Variants in GRID1 observed in about 807,000 individuals in gnomAD.
The protein encoded by GRID1 is glutamate ionotropic receptor delta type subunit 1.
In GRID1, 28 loss-of-function variants were observed where a neutral mutation model predicts 98.0. The observed-to-expected ratio is 0.29, with a 90% CI of 0.21 to 0.39. The LOEUF is 0.39. Ranked by LOEUF, GRID1 falls within the 10% of genes least tolerant of loss-of-function variation. The probability of loss-of-function intolerance (pLI) is 1.00; values close to 1 mark genes in which losing one functional copy is unlikely to be tolerated. For missense variants in GRID1, 1,111 were observed against 1,340.5 expected, an observed-to-expected ratio of 0.83 and a Z score of 2.67; for synonymous variants, 553 against 538.5, an observed-to-expected ratio of 1.03 and a Z score of -0.37.
Position 86,088,897 on chromosome 10 carries a change from CA to C in GRID1, c.726+49921del, listed in dbSNP as rs3057914. ...ACCCAGAAAGATCAATAGATGCAGG[CA>C]AAAAAAAAAATGCTATCAACAGAAG... On this transcript the variant is annotated intron_variant, in intron 4 of 15. Coordinates refer to ENST00000327946, the MANE Select transcript of GRID1 (RefSeq NM_017551.3). Among the ~76,000 whole-genome samples the C allele has an allele frequency of 3.2e-3, 455 of 141,136 alleles. 3 individuals carry two copies. Among genetic ancestry groups the C allele is most frequent in the Middle Eastern group, 7.0e-3 (2 of 284 alleles). The allele number at this position is 141,136 out of a possible 152,430, so 92.6% of individuals were successfully genotyped here.
intron 2 of GRID1, among the ~76,000 whole-genome samples, chr10:86,266,122 C>G (rs1459968005): frequency 1.3e-5 from 2 of 152,020 alleles, no homozygotes; most frequent in African/African-American, 4.8e-5. Flanking sequence ...TCACTGAGGA[C>G]CCCCTGGCCA....
At chr10:86,201,952 A>C (rs569988007) in intron 3 of GRID1, among the ~76,000 whole-genome samples, 31 of 152,326 alleles carry the variant, frequency 2.0e-4, no homozygotes, top group Non-Finnish European at 4.3e-4. Flanking sequence ...ATATTTTTCA[A>C]ACTGATTGTG....
intron 2 of GRID1, among the ~76,000 whole-genome samples, chr10:86,287,404 T>G (rs1483610710): frequency 2.6e-5 from 4 of 152,232 alleles, no homozygotes; most frequent in Non-Finnish European, 4.4e-5. Flanking sequence ...AACGCACCAC[T>G]TAACTAAAAG....
At chr10:85,721,391 C>T (rs568214453) in intron 12 of GRID1, among the ~76,000 whole-genome samples, 2 of 152,164 alleles carry the variant, frequency 1.3e-5, no homozygotes, top group African/African-American at 2.4e-5. Context: ...AAAACCTGCA[C>T]GCAAATGTTC....
At chr10:85,717,001 A>G (rs1841647368) in intron 12 of GRID1, among the ~76,000 whole-genome samples, 1 of 152,140 alleles carries the variant, frequency 6.6e-6, no homozygotes, top group African/African-American at 2.4e-5. Context: ...AGAGTACAGA[A>G]TTTCAGTTAG....
At chr10:86,134,133 C>G (rs935703871) in intron 4 of GRID1, among the ~76,000 whole-genome samples, 16 of 152,358 alleles carry the variant, frequency 1.1e-4, no homozygotes, top group Non-Finnish European at 2.2e-4. Context: ...TAGTGGATGA[C>G]AGCCCTGGGG....
At chr10:85,993,217 A>AG (rs1842702741) in intron 4 of GRID1, among the ~76,000 whole-genome samples, 1 of 152,146 alleles carries the variant, frequency 6.6e-6, no homozygotes, top group Non-Finnish European at 1.5e-5. Flanking sequence ...ACAGAGGACA[A>AG]GGGGAGGGAT....
intron 4 of GRID1, among the ~76,000 whole-genome samples, chr10:86,131,245 C>A (rs979122970): frequency 6.6e-6 from 1 of 152,144 alleles, no homozygotes; most frequent in East Asian, 1.9e-4. Context: ...CTTCAGTCAA[C>A]AAGCAGGCTG....
intron 8 of GRID1, among the ~76,000 whole-genome samples, chr10:85,801,177 A>C (rs1842573589): frequency 6.6e-6 from 1 of 152,038 alleles, no homozygotes; most frequent in Non-Finnish European, 1.5e-5. Flanking sequence ...GTTAAAGTTA[A>C]TGTAAAATAA....
rs2131793348 is a variant in GRID1 at position 85,869,190 on chromosome 10, T to C, written c.781-10A>G. The C allele has an allele frequency of 6.2e-7, 1 of 1,611,456 alleles. No individual in the cohort carries two copies. Among genetic ancestry groups the C allele is most frequent in the Non-Finnish European group, 8.5e-7 (1 of 1,177,740 alleles). On this transcript the variant is annotated splice_polypyrimidine_tract_variant and intron_variant, in intron 5 of 15. Coordinates refer to ENST00000327946, the MANE Select transcript of GRID1 (RefSeq NM_017551.3). ...CCGGGTCACTGATTTCCTAGAAAAA[T>C]AACCAGGCCCATGCTTACCATCCAC...
At chr10:86,109,267 A>G (rs1461613247) in intron 4 of GRID1, among the ~76,000 whole-genome samples, 5 of 152,232 alleles carry the variant, frequency 3.3e-5, no homozygotes, top group Admixed American at 3.3e-4. Flanking sequence ...TGAACAACAG[A>G]AGGAAAGAGC....
At chr10:85,772,242 A>T (rs1382059980) in intron 8 of GRID1, among the ~76,000 whole-genome samples, 2 of 152,130 alleles carry the variant, frequency 1.3e-5, no homozygotes, top group East Asian at 3.9e-4. Context: ...TAACGAAATG[A>T]AGGCAGAAAT....
chr10:86,168,557 G>A (rs1180036158), intron 3 of GRID1, among the ~76,000 whole-genome samples: 1 of 152,180 alleles, frequency 6.6e-6, no homozygotes, highest in African/African-American at 2.4e-5. Context: ...AATCCCCTCT[G>A]CCAGGTGTGG....
chr10:85,930,006 A>G (rs1841826833), intron 4 of GRID1, among the ~76,000 whole-genome samples: 1 of 152,122 alleles, frequency 6.6e-6, no homozygotes, highest in African/African-American at 2.4e-5. Context: ...AAATGTATTG[A>G]CTCCATTATG....
chr10:85,713,672 C>T (rs1178131815), intron 12 of GRID1, among the ~76,000 whole-genome samples: 1 of 147,902 alleles, frequency 6.8e-6, no homozygotes, highest in Non-Finnish European at 1.5e-5. Context: ...GTGGAACTTA[C>T]CCCCAGGATG....
In GRID1 at chr10:85,891,309, C is replaced by T. The variant is rs187204340; in HGVS notation, c.781-22129G>A. On this transcript the variant is annotated intron_variant, in intron 5 of 15. Transcript: ENST00000327946. ...TGATTTAGAAATAAAATTGCATGGCCCAGAGCCCTTAAGTGTCATGATTCT... is the reference window on the plus strand; with the variant it reads ...TGATTTAGAAATAAAATTGCATGGCTCAGAGCCCTTAAGTGTCATGATTCT... 3.3e-5 allele frequency among the ~76,000 whole-genome samples: 5 copies of T among 152,126 alleles called. No homozygotes were observed. The East Asian group carries it at 9.6e-4, about 29-fold the overall frequency.
intron 2 of GRID1, among the ~76,000 whole-genome samples, chr10:86,226,743 C>A (rs906546446): frequency 6.7e-6 from 1 of 149,802 alleles, no homozygotes; most frequent in Non-Finnish European, 1.5e-5. Flanking sequence ...GCCTCCTCAC[C>A]CACTCCCTCC....
chr10:86,124,535 G>C (rs1397547366), intron 4 of GRID1, among the ~76,000 whole-genome samples: 3 of 152,138 alleles, frequency 2.0e-5, no homozygotes, highest in Non-Finnish European at 4.4e-5. Context: ...CTGCTCTACA[G>C]TGGTGCCCCC....
chr10:85,924,240 C>G (rs1363226465), intron 4 of GRID1, among the ~76,000 whole-genome samples: 1 of 152,204 alleles, frequency 6.6e-6, no homozygotes, highest in Admixed American at 6.5e-5. Context: ...GCATGGTACT[C>G]TGGTAAACAA....
Sources: allele counts gnomAD v4.1 joint callset (sites outside exome capture counted in the v4.1 genomes callset), GRCh38; gene constraint gnomAD v4.1.1; transcripts MANE v1.5; gene names NCBI Gene and HGNC (gene_info 2026-07-23, HGNC 2026-07-21).